RGS12: variants seen among roughly 807,000 people sequenced by gnomAD.
RGS12 encodes regulator of G protein signaling 12, also known as regulator of G-protein signaling 12.
In RGS12, 66 loss-of-function variants were observed where a neutral mutation model predicts 120.1. The observed-to-expected ratio is 0.55, with a 90% CI of 0.45 to 0.67. RGS12 has a LOEUF of 0.67. RGS12 is among the 30% of genes least tolerant of loss of function. The pLI, the probability that RGS12 is intolerant of heterozygous loss-of-function variation, is 0.00. For synonymous variants in RGS12, 827 were observed against 804.7 expected (o/e 1.03, Z -0.47); for missense variants, 1,859 against 1,957.7 (o/e 0.95, Z 0.95).
chr4:3,410,215 A>G (rs1012481194), intron 4 of RGS12, among the ~76,000 whole-genome samples: 1 of 152,220 alleles, frequency 6.6e-6, no homozygotes, highest in Non-Finnish European at 1.5e-5. Flanking sequence ...TCTGGGCTCA[A>G]GCCATCCTCT....
At chr4:3,303,129 G>A (rs1030796762) in intron 1 of RGS12, among the ~76,000 whole-genome samples, 2 of 152,218 alleles carry the variant, frequency 1.3e-5, no homozygotes, top group African/African-American at 4.8e-5. Flanking sequence ...TTTGGGGAGG[G>A]ACCCAGTGAG....
chr4:3,437,875 C>G (rs2109272885), intron 17 of RGS12, among the ~76,000 whole-genome samples: 1 of 152,304 alleles, frequency 6.6e-6, no homozygotes, highest in East Asian at 1.9e-4. Flanking sequence ...GTCACACCTT[C>G]CGCCCGCAGC....
In RGS12 at chr4:3,316,645, A is replaced by C. The variant is rs1724776716; in HGVS notation, c.475A>C (p.Ser159Arg). 1 of 1,614,136 alleles carries C rather than the reference A, an allele frequency of 6.2e-7. No homozygotes were observed. The highest frequency in any genetic ancestry group is 8.5e-7 in the Non-Finnish European group (1 of 1,180,034). ...MIFENPSLCA[S>R]NSEPLKLKQR... ...TTTTGAAAACCCGAGCCTTTGTGCG[A>C]GCAATTCAGAGCCCTTGAAATTGAA... The change falls in exon 2 of 18, where the codon AGC (serine) becomes CGC (arginine). Residue 159 changes from serine to arginine, a missense_variant. Physicochemically the swap from Ser to Arg is moderately radical, Grantham distance 110. Around this residue, in one of 3 missense-constraint regions of RGS12, gnomAD observed 967 missense variants for 994.2 expected, o/e 0.97. Transcript: ENST00000336727.
chr4:3,430,209 A>G (rs1196387940), intron 16 of RGS12, among the ~76,000 whole-genome samples, 198 bp from the exon 17 acceptor site: 1 of 152,214 alleles, frequency 6.6e-6, no homozygotes, highest in Non-Finnish European at 1.5e-5. Context: ...TCCTGAAGAC[A>G]GAGTATGCTA....
intron 4 of RGS12, among the ~76,000 whole-genome samples, chr4:3,391,466 G>A (rs1370765133): frequency 6.6e-6 from 1 of 152,182 alleles, no homozygotes; most frequent in East Asian, 1.9e-4. Context: ...TGCTAGCCAG[G>A]GGGCCTGTGC....
At chr4:3,370,393 T>C (rs1252706529) in intron 3 of RGS12, 2 of 1,441,406 alleles carry the variant, frequency 1.4e-6, no homozygotes, top group East Asian at 2.3e-5. Flanking sequence ...TATCCTGTTT[T>C]AGCGAGTGGC....
rs532919802 is a variant in RGS12 at position 3,395,374 on chromosome 4, C to T, written c.2020+8937C>T. Among the ~76,000 whole-genome samples the T allele has an allele frequency of 3.3e-5, 5 of 152,292 alleles. No individual in the cohort carries two copies. In the South Asian group the frequency reaches 1.0e-3, roughly 32 times the overall value. On this transcript the variant is annotated intron_variant, in intron 4 of 17. Transcript: ENST00000336727. Reference sequence around the variant, plus strand: ...TATGGCATCGTTCCTCCATTCTTCTCTTGATGACATCGTGTTGGTTCTGAC... The same window carrying T: ...TATGGCATCGTTCCTCCATTCTTCTTTTGATGACATCGTGTTGGTTCTGAC...
At chr4:3,364,009 T>C (rs1445587237) in intron 3 of RGS12, among the ~76,000 whole-genome samples, 1 of 152,172 alleles carries the variant, frequency 6.6e-6, no homozygotes, top group African/African-American at 2.4e-5. Flanking sequence ...CTCAGTCACA[T>C]GGTCTGTGGT....
intron 1 of RGS12, among the ~76,000 whole-genome samples, chr4:3,298,384 T>A (rs1271016719): frequency 6.6e-6 from 1 of 152,196 alleles, no homozygotes; most frequent in East Asian, 1.9e-4. Context: ...GGAGTCTCAC[T>A]CTTTTGCCCA....
Position 3,317,133 on chromosome 4 carries a change from C to G in RGS12, c.963C>G (p.Asp321Glu), listed in dbSNP as rs75068773. The change falls in exon 2 of 18, where the codon GAC (aspartate) becomes GAG (glutamate). Residue 321 changes from aspartate to glutamate, a missense_variant. This residue lies in a region of RGS12 where 967 missense variants were observed against 994.2 expected (regional missense o/e 0.97). Coordinates refer to ENST00000336727, the MANE Select transcript of RGS12 (RefSeq NM_001394154.1). Reference protein sequence around the residue: ...FFGLVTMQTNDDGSLAQEEEG... With the variant: ...FFGLVTMQTNEDGSLAQEEEG... ...GGTTGGTTACCATGCAGACGAATGA[C>G]GACGGGAGCCTGGCCCAGGAGGAGG... 207 of 1,613,958 alleles carry G rather than the reference C, an allele frequency of 1.3e-4. 2 individuals carry two copies. The East Asian group carries it at 2.9e-3, about 23-fold the overall frequency.
upstream of RGS12, among the ~76,000 whole-genome samples, chr4:3,288,063 G>A (rs1284999162): frequency 6.6e-6 from 1 of 152,244 alleles, no homozygotes; most frequent in Non-Finnish European, 1.5e-5. This position sits in a 1 kb window ranked among gnomAD's most constrained non-coding sequence, Gnocchi z 5.2. Flanking sequence ...AGACACCGTG[G>A]GCCCGTACCT....
upstream of RGS12, among the ~76,000 whole-genome samples, chr4:3,290,578 G>A (rs1056343974): frequency 2.6e-5 from 4 of 152,270 alleles, no homozygotes; most frequent in Non-Finnish European, 5.9e-5. Flanking sequence ...CGAGTCCCGT[G>A]GAAGAATTAT....
rs1358904295 is a variant in RGS12 at position 3,365,792 on chromosome 4, T to A, written c.1999-20624T>A. On this transcript the variant is annotated intron_variant, in intron 3 of 17. Coordinates refer to ENST00000336727, the MANE Select transcript of RGS12 (RefSeq NM_001394154.1). This position sits in a 1 kb window ranked among gnomAD's most constrained non-coding sequence, Gnocchi z 4.0. ...GTCTTTCACACACCAGTCTGCTTTT[T>A]AAACCCATTATATGGGAAATTTTCT... Among the ~76,000 whole-genome samples, 1 of 152,230 alleles carries A rather than the reference T, an allele frequency of 6.6e-6. No homozygotes were observed. The highest frequency in any genetic ancestry group is 1.5e-5 in the Non-Finnish European group (1 of 68,042).
At chr4:3,311,705 G>A (rs564357937) in intron 1 of RGS12, among the ~76,000 whole-genome samples, 2 of 152,150 alleles carry the variant, frequency 1.3e-5, no homozygotes, top group Admixed American at 6.5e-5. Flanking sequence ...TGTATAAGGT[G>A]TATATGAAAC....
intron 1 of RGS12, among the ~76,000 whole-genome samples, chr4:3,301,659 G>T (rs1723694918): frequency 7.1e-6 from 1 of 140,230 alleles, no homozygotes; most frequent in Non-Finnish European, 1.5e-5. Flanking sequence ...GGGGTCCGAG[G>T]GCTGGGGATG....
At chr4:3,394,503 A>G (rs1409863620) in intron 4 of RGS12, among the ~76,000 whole-genome samples, 1 of 152,234 alleles carries the variant, frequency 6.6e-6, no homozygotes, top group East Asian at 1.9e-4. Context: ...AAAGGAATGT[A>G]GGTAACAAAT....
intron 3 of RGS12, among the ~76,000 whole-genome samples, chr4:3,346,145 C>T (rs59594429): frequency 0.31 from 47,637 of 151,972 alleles, 7,766 homozygotes; most frequent in African/African-American, 0.43. Context: ...TCCTTCTTTA[C>T]GCAATGGATA....
intron 4 of RGS12, among the ~76,000 whole-genome samples, chr4:3,404,648 A>G (rs1720924034): frequency 6.6e-6 from 1 of 152,230 alleles, no homozygotes; most frequent in African/African-American, 2.4e-5. Flanking sequence ...AGGCGTCAGT[A>G]TGAACCGATG....
chr4:3,330,951 C>T (rs1185906171), intron 2 of RGS12, among the ~76,000 whole-genome samples: 2 of 152,200 alleles, frequency 1.3e-5, no homozygotes, highest in African/African-American at 4.8e-5. Context: ...CAGACTTAGT[C>T]ATGTAGCTTT....
Sources: gnomAD v4.1 joint callset for allele counts (sites outside exome capture counted in the v4.1 genomes callset) on GRCh38, gnomAD v4.1.1 for gene constraint, gnomAD v4.1.1 regional missense constraint, Gnocchi (gnomAD v3.1) non-coding constraint, MANE v1.5 for transcripts, NCBI Gene and HGNC (gene_info 2026-07-23, HGNC 2026-07-21) for gene names.